DCDC2: variants seen among roughly 807,000 people sequenced by gnomAD.
DCDC2 encodes doublecortin domain containing 2.
A neutral mutation model predicts 50.2 loss-of-function variants in DCDC2; 40 were observed. The ratio of observed to expected loss-of-function variants is 0.80; its 90% CI spans 0.62 to 1.04. The LOEUF (loss-of-function observed/expected upper bound fraction) is 1.04, where lower values mean the gene tolerates loss of function less well. Ranked by LOEUF, DCDC2 falls within the 50% of genes least tolerant of loss-of-function variation. DCDC2 has a pLI of 0.00. For synonymous variants in DCDC2, 234 were observed against 210.6 expected (o/e 1.11, Z -0.96); for missense variants, 570 against 581.9 (o/e 0.98, Z 0.21).
At position 24,237,474 on chromosome 6, in the gene DCDC2, A is replaced by T. The variant is rs564480907; in HGVS notation, c.923-32372T>A. On this transcript the variant is annotated intron_variant, in intron 7 of 9. Transcript: ENST00000378454. ...GAATGTTTATACGCTGTTGGTGGGA[A>T]TGTAAATTAGTTCAGCAACTTTGGA... Among the ~76,000 whole-genome samples the T allele has an allele frequency of 1.5e-3, 228 of 152,346 alleles. 5 individuals are homozygous for T. Among genetic ancestry groups the T allele is most frequent in the Admixed American group, 0.014 (210 of 15,300 alleles).
chr6:24,362,420 TTTTA>T (rs1383906163), upstream of DCDC2, among the ~76,000 whole-genome samples: 1 of 142,714 alleles, frequency 7.0e-6, no homozygotes, highest in African/African-American at 2.6e-5. Flanking sequence ...TACAATTATT[TTTTA>T]TTTAATTGTA....
chr6:24,240,685 T>G (rs145304549), intron 7 of DCDC2, among the ~76,000 whole-genome samples: 1 of 152,176 alleles, frequency 6.6e-6, no homozygotes, highest in Non-Finnish European at 1.5e-5. Flanking sequence ...ACTGGATCAA[T>G]AGTACACATT....
chr6:24,378,269 T>C, the DCDC2 span, among the ~76,000 whole-genome samples: 2 of 152,306 alleles, frequency 1.3e-5, no homozygotes, highest in South Asian at 4.1e-4. Context: ...CTTGTGTGTG[T>C]TTCCCCTCCC....
the DCDC2 span, among the ~76,000 whole-genome samples, chr6:24,377,183 G>C: frequency 3.3e-5 from 5 of 152,188 alleles, no homozygotes; most frequent in African/African-American, 1.2e-4. Context: ...AGTCCGCTGG[G>C]AACAAAACTT....
intron 7 of DCDC2, among the ~76,000 whole-genome samples, chr6:24,270,191 G>A (rs1763209000): frequency 6.6e-6 from 1 of 152,120 alleles, no homozygotes; most frequent in South Asian, 2.1e-4. Flanking sequence ...CAGCAGCTAT[G>A]TGTCAGTCTG....
At chr6:24,177,225 C>A (rs1053170678) in intron 9 of DCDC2, among the ~76,000 whole-genome samples, 6 of 152,166 alleles carry the variant, frequency 3.9e-5, no homozygotes, top group Non-Finnish European at 7.3e-5. Flanking sequence ...TAGAATAGGA[C>A]TATGATTATC....
intron 2 of DCDC2, among the ~76,000 whole-genome samples, chr6:24,316,374 A>C (rs925141002): frequency 2.4e-4 from 36 of 152,246 alleles, no homozygotes; most frequent in African/African-American, 8.7e-4. Flanking sequence ...GTGGACAGGG[A>C]GGTAGGAGAG....
rs904944428 is a variant in DCDC2, at chr6:24,301,742, A to AT, written c.529dup (p.Ile177AsnfsTer20). On this transcript the variant is annotated frameshift_variant, in exon 4 of 10. Coordinates refer to ENST00000378454, the MANE Select transcript of DCDC2 (RefSeq NM_016356.5). LOFTEE classifies it high-confidence loss of function. Reference sequence around the variant, plus strand: ...GTGAACAGCCCCGCTCCTCAGAGTGATTTTTTCTGTGACCATTTGTAGTAC... The same window carrying AT: ...GTGAACAGCCCCGCTCCTCAGAGTGATTTTTTTCTGTGACCATTTGTAGTAC... 20 of 1,613,970 alleles carry AT rather than the reference A, an allele frequency of 1.2e-5. No individual in the cohort carries two copies. The highest frequency in any genetic ancestry group is 1.4e-5 in the Non-Finnish European group (17 of 1,180,034).
intron 2 of DCDC2, 26 bp downstream of exon 2, chr6:24,353,543 A>G: frequency 6.9e-7 from 1 of 1,448,442 alleles, no homozygotes; most frequent in Non-Finnish European, 9.5e-7. Context: ...TATTTATTTG[A>G]ATTTTCAAAA....
intron 8 of DCDC2, among the ~76,000 whole-genome samples, chr6:24,187,331 A>T (rs1442798969): frequency 6.6e-6 from 1 of 152,054 alleles, no homozygotes; most frequent in Non-Finnish European, 1.5e-5. Context: ...GGGCGGTGCC[A>T]TCCTATTACT....
chr6:24,185,698 C>T (rs201270520), intron 8 of DCDC2, among the ~76,000 whole-genome samples: 1 of 66,116 alleles, frequency 1.5e-5, no homozygotes, highest in African/African-American at 5.4e-5. Context: ...TACACACACA[C>T]ACACACACAC....
At chr6:24,335,227 CAA>C (rs1350981741) in intron 2 of DCDC2, among the ~76,000 whole-genome samples, 1 of 152,132 alleles carries the variant, frequency 6.6e-6, no homozygotes, top group Non-Finnish European at 1.5e-5. Context: ...GAGTCTTCCT[CAA>C]AGTCTTTTCA....
intron 4 of DCDC2, among the ~76,000 whole-genome samples, chr6:24,299,591 A>G (rs977353319): frequency 5.3e-5 from 8 of 152,338 alleles, no homozygotes; most frequent in Non-Finnish European, 1.2e-4. Context: ...TAATGAAAAA[A>G]TTAGGATTTG....
upstream of DCDC2, chr6:24,358,116 A>C (rs1415442441): frequency 1.7e-6 from 1 of 590,614 alleles, no homozygotes; most frequent in Non-Finnish European, 3.0e-6. Context: ...TGAGGGCAGG[A>C]GAGAGGAGGA....
chr6:24,262,825 T>C (rs1763041585), intron 7 of DCDC2, among the ~76,000 whole-genome samples: 1 of 152,366 alleles, frequency 6.6e-6, no homozygotes, highest in African/African-American at 2.4e-5. Context: ...GACATGGGTC[T>C]GGCTGGGTTC....
chr6:24,205,318 C>T, intron 7 of DCDC2: 1 of 1,530,012 alleles, frequency 6.5e-7, no homozygotes, highest in African/African-American at 1.4e-5. Context: ...CAAGGCTGAC[C>T]CAGCAGGGTA....
At chr6:24,208,901 C>G (rs1324764109) in intron 7 of DCDC2, among the ~76,000 whole-genome samples, 1 of 152,172 alleles carries the variant, frequency 6.6e-6, no homozygotes, top group Admixed American at 6.5e-5. Context: ...AAATTTTTGG[C>G]ATTGTCTGCA....
chr6:24,278,429 A>G (rs928598173), intron 6 of DCDC2, among the ~76,000 whole-genome samples: 56 of 152,124 alleles, frequency 3.7e-4, no homozygotes, highest in African/African-American at 1.2e-3. Context: ...ATAGCTAACA[A>G]TCATTGGGTT....
chr6:24,270,261 C>T (rs759995058), intron 7 of DCDC2, among the ~76,000 whole-genome samples: 2 of 152,150 alleles, frequency 1.3e-5, no homozygotes, highest in Non-Finnish European at 2.9e-5. Context: ...ACTGGTTTCT[C>T]CTCTTTTCCC....
Sources: allele counts gnomAD v4.1 joint callset (sites outside exome capture counted in the v4.1 genomes callset), GRCh38; gene constraint gnomAD v4.1.1; transcripts MANE v1.5; gene names NCBI Gene and HGNC (gene_info 2026-07-23, HGNC 2026-07-21).